Variants in DGKB observed in about 807,000 individuals in gnomAD.
The protein encoded by DGKB is 90 kDa diacylglycerol kinase.
Under a neutral mutation model 114.3 loss-of-function variants are expected in DGKB, and 67 were observed. That is an observed-to-expected ratio of 0.59 (90% CI 0.48 to 0.72). DGKB has a LOEUF of 0.72. DGKB is among the 30% of genes least tolerant of loss of function. The pLI is 0.00. For synonymous variants in DGKB, 398 were observed against 323.1 expected (o/e 1.23, Z -2.49); for missense variants, 907 against 975.2 (o/e 0.93, Z 0.93).
At chr7:14,666,339 A>G (rs1319908638) in intron 13 of DGKB, among the ~76,000 whole-genome samples, 1 of 152,034 alleles carries the variant, frequency 6.6e-6, no homozygotes, top group Non-Finnish European at 1.5e-5. Context: ...GAAACTGAGA[A>G]GGGCTAAAAC....
intron 4 of DGKB, among the ~76,000 whole-genome samples, chr7:14,741,798 T>G (rs1395447745): frequency 6.6e-6 from 1 of 152,206 alleles, no homozygotes; most frequent in Non-Finnish European, 1.5e-5. Context: ...TTGGTAAAGT[T>G]CAAAAGCCAG....
intron 1 of DGKB, among the ~76,000 whole-genome samples, chr7:14,853,933 A>G (rs1586928040): frequency 6.6e-6 from 1 of 151,682 alleles, no homozygotes; most frequent in South Asian, 2.1e-4. Flanking sequence ...CTCACATGAC[A>G]TTCTATTAGT....
chr7:14,207,096 T>A (rs1786952200), intron 23 of DGKB, among the ~76,000 whole-genome samples: 1 of 152,060 alleles, frequency 6.6e-6, no homozygotes, highest in Non-Finnish European at 1.5e-5. Flanking sequence ...CAACACTTTT[T>A]AAGCAACTTC....
chr7:14,572,532 C>A (rs538534387), intron 20 of DGKB, among the ~76,000 whole-genome samples: 2 of 151,032 alleles, frequency 1.3e-5, no homozygotes, highest in Admixed American at 6.6e-5. Flanking sequence ...ATTAAAGATA[C>A]AAAATTATAA....
At chr7:14,491,597 T>G (rs1228129176) in intron 20 of DGKB, among the ~76,000 whole-genome samples, 1 of 152,108 alleles carries the variant, frequency 6.6e-6, no homozygotes, top group Non-Finnish European at 1.5e-5. Flanking sequence ...GCCATTAGCA[T>G]CCAATATTTC....
intron 4 of DGKB, among the ~76,000 whole-genome samples, 162 bp from the exon 5 acceptor site, chr7:14,736,356 G>A (rs570713880): frequency 6.6e-6 from 1 of 152,240 alleles, no homozygotes; most frequent in African/African-American, 2.4e-5. Context: ...GGGCCGTCCT[G>A]GGCTAACACT....
At chr7:14,783,229 G>T (rs1352547890) in intron 2 of DGKB, among the ~76,000 whole-genome samples, 13 of 152,080 alleles carry the variant, frequency 8.5e-5, no homozygotes, top group East Asian at 5.8e-4. Flanking sequence ...ATCAAATTAC[G>T]TGAATTTTAG....
In DGKB at chr7:14,753,913, A is replaced by T; in HGVS notation, c.168+15T>A. 1 of 1,467,794 alleles carries T rather than the reference A, an allele frequency of 6.8e-7. No individual in the cohort carries two copies. Among genetic ancestry groups the T allele is most frequent in the Non-Finnish European group, 9.4e-7 (1 of 1,069,280 alleles). The allele number at this position is 1,467,794 out of a possible 1,614,324, so 90.9% of individuals were successfully genotyped here. On this transcript the variant is annotated intron_variant, in intron 4 of 25. Transcript: ENST00000402815. ...AAAGAAAAGACAGACTTTAATAGAAAAGAAAATGTCTTACTTGGTTAAGAA... is the reference window on the plus strand; with the variant it reads ...AAAGAAAAGACAGACTTTAATAGAATAGAAAATGTCTTACTTGGTTAAGAA...
intron 1 of DGKB, among the ~76,000 whole-genome samples, chr7:14,843,870 ACAC>A (rs1562695272): frequency 2.0e-5 from 3 of 151,812 alleles, no homozygotes; most frequent in Non-Finnish European, 2.9e-5. Flanking sequence ...GCTTACAGTT[ACAC>A]GAAAGGCAGT....
At chr7:14,573,484 T>C (rs1798681120) in intron 20 of DGKB, among the ~76,000 whole-genome samples, 1 of 151,724 alleles carries the variant, frequency 6.6e-6, no homozygotes, top group South Asian at 2.1e-4. Context: ...TGTGTGTGTG[T>C]GTGTGTGTGT....
intron 20 of DGKB, among the ~76,000 whole-genome samples, chr7:14,573,879 T>G (rs1258480973): frequency 1.3e-5 from 2 of 150,774 alleles, no homozygotes; most frequent in African/African-American, 4.9e-5. Context: ...TAATATGGAG[T>G]TTTAGCTTAT....
At chr7:14,779,203 C>A (rs941461615) in intron 2 of DGKB, among the ~76,000 whole-genome samples, 8 of 152,074 alleles carry the variant, frequency 5.3e-5, no homozygotes, top group Admixed American at 6.6e-5. Context: ...TTATTTAAGA[C>A]ACATAGTTGC....
At chr7:14,313,321 A>C (rs934479961) in intron 23 of DGKB, among the ~76,000 whole-genome samples, 7 of 152,238 alleles carry the variant, frequency 4.6e-5, no homozygotes, top group African/African-American at 1.4e-4. Context: ...AGCCTGAGCG[A>C]CGCAGAAGAC....
chr7:14,201,723 A>G (rs1409539039), intron 23 of DGKB, among the ~76,000 whole-genome samples: 2 of 152,020 alleles, frequency 1.3e-5, no homozygotes, highest in African/African-American at 2.4e-5. Flanking sequence ...GGAGCTCTCT[A>G]TAGAGAGGAC....
At chr7:14,829,126 T>A (rs1846081814) in intron 2 of DGKB, among the ~76,000 whole-genome samples, 1 of 152,064 alleles carries the variant, frequency 6.6e-6, no homozygotes, top group African/African-American at 2.4e-5. Flanking sequence ...GAATTTCCAA[T>A]CTTTACCTTC....
At chr7:14,648,268 G>A (rs894940138) in intron 13 of DGKB, among the ~76,000 whole-genome samples, 10 of 152,176 alleles carry the variant, frequency 6.6e-5, no homozygotes, top group Non-Finnish European at 1.3e-4. Context: ...GAAGAGAGCA[G>A]TAGTTCTCCC....
chr7:14,184,517 C>G (rs1783114192), intron 23 of DGKB, among the ~76,000 whole-genome samples: 1 of 152,070 alleles, frequency 6.6e-6, no homozygotes, highest in Non-Finnish European at 1.5e-5. Flanking sequence ...TCCCCCACTT[C>G]CCTGACAACC....
intron 23 of DGKB, among the ~76,000 whole-genome samples, chr7:14,257,194 G>C (rs1298728115): frequency 6.6e-6 from 1 of 151,954 alleles, no homozygotes; most frequent in Non-Finnish European, 1.5e-5. Flanking sequence ...AATTTATTCT[G>C]TTACTAGAAT....
intron 20 of DGKB, among the ~76,000 whole-genome samples, chr7:14,567,354 AT>A (rs1161563009): frequency 2.9e-5 from 1 of 34,114 alleles, no homozygotes. Flanking sequence ...TATATATATA[AT>A]TATATTATAT....
Sources: gnomAD v4.1 joint callset for allele counts (sites outside exome capture counted in the v4.1 genomes callset) on GRCh38, gnomAD v4.1.1 for gene constraint, MANE v1.5 for transcripts, NCBI Gene and HGNC (gene_info 2026-07-23, HGNC 2026-07-21) for gene names.